The following ERGIC2 variants were observed in gnomAD, a reference collection of about 807,000 sequenced individuals.
ERGIC2 encodes ERGIC and golgi 2, also known as endoplasmic reticulum-Golgi intermediate compartment protein 2.
A neutral mutation model predicts 52.5 loss-of-function variants in ERGIC2; 31 were observed. The ratio of observed to expected loss-of-function variants is 0.59; its 90% CI spans 0.44 to 0.80. The LOEUF (loss-of-function observed/expected upper bound fraction) is 0.80, where lower values mean the gene tolerates loss of function less well. Ranked by LOEUF, ERGIC2 falls within the 30% of genes least tolerant of loss-of-function variation. The pLI is 0.00. For synonymous variants in ERGIC2, 129 were observed against 140.6 expected, an observed-to-expected ratio of 0.92 and a Z score of 0.58; for missense variants, 395 against 455.2, an observed-to-expected ratio of 0.87 and a Z score of 1.20.
At chr12:29,373,095 A>G (rs1421323750) in intron 1 of ERGIC2, 1 of 152,144 alleles carries the variant, frequency 6.6e-6, no homozygotes, top group Non-Finnish European at 1.5e-5. Context: ...ATAAGAAACA[A>G]AACTGAACAT....
At chr12:29,379,969 G>A (rs1240418241) in intron 1 of ERGIC2, among the ~76,000 whole-genome samples, 3 of 151,582 alleles carry the variant, frequency 2.0e-5, no homozygotes, top group Admixed American at 6.6e-5. Flanking sequence ...GATTTCCTTT[G>A]AGAGATCTTT....
At position 29,338,272 on chromosome 12, in the gene ERGIC2, T is replaced by G. The variant is rs1182147471; in HGVS notation, c.*2884A>C. 1.3e-5 allele frequency: 2 copies of G among 152,098 alleles called. No homozygotes were observed. Among genetic ancestry groups the G allele is most frequent in the Non-Finnish European group, 2.9e-5 (2 of 68,030 alleles). The allele number at this position is 152,098 out of a possible 1,614,324, so 9.4% of individuals were successfully genotyped here. On this transcript the variant is annotated 3_prime_UTR_variant, in exon 14 of 14. Coordinates refer to ENST00000360150, the MANE Select transcript of ERGIC2 (RefSeq NM_016570.3). ...GTAAATCTTGTTTGCATTAGTAAAT[T>G]TTTAATTATAAAAATTCAATGCTAT... is the stretch of plus-strand genomic sequence containing the variant.
intron 5 of ERGIC2, among the ~76,000 whole-genome samples, chr12:29,362,625 C>G (rs1316033758): frequency 6.6e-6 from 1 of 151,798 alleles, no homozygotes; most frequent in Non-Finnish European, 1.5e-5. Context: ...TTTACTAGTC[C>G]TAGTTCACAG....
chr12:29,365,673 T>TA (rs58031563), intron 5 of ERGIC2, among the ~76,000 whole-genome samples: 1 of 144,582 alleles, frequency 6.9e-6, no homozygotes, highest in African/African-American at 2.5e-5. Flanking sequence ...GGCAGAAAAT[T>TA]AAAAAAAAAA....
At chr12:29,367,365 T>C (rs970019555) in intron 4 of ERGIC2, among the ~76,000 whole-genome samples, 2 of 151,806 alleles carry the variant, frequency 1.3e-5, no homozygotes, top group Non-Finnish European at 3.0e-5. Flanking sequence ...CGTAAAGCTA[T>C]GCTACAAATC....
chr12:29,366,585 A>G (rs1233570312), intron 5 of ERGIC2, among the ~76,000 whole-genome samples: 1 of 151,948 alleles, frequency 6.6e-6, no homozygotes, highest in Non-Finnish European at 1.5e-5. Context: ...AAGAAAAGTG[A>G]AAAGGAAACT....
intron 1 of ERGIC2, among the ~76,000 whole-genome samples, chr12:29,379,805 G>A (rs562437776): frequency 6.6e-6 from 1 of 152,020 alleles, no homozygotes; most frequent in African/African-American, 2.4e-5. Context: ...CTATTAAATA[G>A]GATTTTTAGC....
In ERGIC2 at chr12:29,368,439, G is replaced by A. The variant is rs542345392; in HGVS notation, c.216-152C>T. On this transcript the variant is annotated intron_variant, in intron 3 of 13. Coordinates refer to ENST00000360150, the MANE Select transcript of ERGIC2 (RefSeq NM_016570.3). ...TTGCATTTCTCATGGCCAAAACAAA[G>A]GCTCTTTAAATTACAAGTTCTATTT... The A allele has an allele frequency of 3.2e-3, 1,716 of 543,282 alleles. 4 individuals are homozygous for A. Among genetic ancestry groups the A allele is most frequent in the Non-Finnish European group, 3.4e-3 (1,038 of 302,050 alleles). The allele number at this position is 543,282 out of a possible 1,614,324, so 33.7% of individuals were successfully genotyped here. A position where few individuals can be genotyped will look rare whatever the true frequency, so the allele number is the denominator to read the frequency against.
intron 8 of ERGIC2, among the ~76,000 whole-genome samples, chr12:29,354,226 A>G (rs1940172541): frequency 6.6e-6 from 1 of 152,232 alleles, no homozygotes; most frequent in South Asian, 2.1e-4. Context: ...TTAGCTATAT[A>G]AAGTTGTAGT....
rs1301250645 is a variant in ERGIC2, at chr12:29,367,075, A to G, written c.263-128T>C. 3.0e-4 allele frequency: 138 copies of G among 467,664 alleles called. 1 individual carries two copies. The East Asian group carries it at 4.6e-3, about 16-fold the overall frequency. 29.0% of individuals were successfully genotyped at this position (467,664 alleles called of 1,614,324 possible). A position where few individuals can be genotyped will look rare whatever the true frequency, so the allele number is the denominator to read the frequency against. ...AAAAAAAAAAAAAACCTCACCAACT[A>G]TGTAGAATAATTTCCGATATATTTG... is the stretch of plus-strand genomic sequence containing the variant. On this transcript the variant is annotated intron_variant, in intron 4 of 13. Transcript: ENST00000360150.
intron 1 of ERGIC2, among the ~76,000 whole-genome samples, chr12:29,375,035 C>T (rs1412864006): frequency 1.3e-5 from 2 of 152,144 alleles, no homozygotes; most frequent in Admixed American, 6.6e-5. Flanking sequence ...TCACAGTCTA[C>T]GTTCCAACCA....
Position 29,341,119 on chromosome 12 carries a change from C to T in ERGIC2, c.*37G>A. 1.4e-6 allele frequency: 2 copies of T among 1,456,644 alleles called. No homozygotes were observed. Among genetic ancestry groups the T allele is most frequent in the Non-Finnish European group, 1.9e-6 (2 of 1,051,676 alleles). The allele number at this position is 1,456,644 out of a possible 1,614,324, so 90.2% of individuals were successfully genotyped here. On this transcript the variant is annotated 3_prime_UTR_variant, in exon 14 of 14. Transcript: ENST00000360150. ...TTATTATTAAAAAAAGGTTTTATGT[C>T]TCAGGCAAAAAGTTTTTCTCCTTCA...
rs912621186 is a variant in ERGIC2 at position 29,366,776 on chromosome 12, T to C, written c.333+101A>G. ...GATTACTTTTGAAATAAAAGAATTATACTAAAAACTATTTCAGACAAAACT... is the reference window on the plus strand; with the variant it reads ...GATTACTTTTGAAATAAAAGAATTACACTAAAAACTATTTCAGACAAAACT... On this transcript the variant is annotated intron_variant, in intron 5 of 13. Coordinates refer to ENST00000360150, the MANE Select transcript of ERGIC2 (RefSeq NM_016570.3). 4 of 593,046 alleles carry C rather than the reference T, an allele frequency of 6.7e-6. No homozygotes were observed. In the Admixed American group the frequency reaches 1.1e-4, roughly 16 times the overall value. 36.7% of individuals were successfully genotyped at this position (593,046 alleles called of 1,614,324 possible). A position where few individuals can be genotyped will look rare whatever the true frequency, so the allele number is the denominator to read the frequency against.
At chr12:29,349,938 AC>A in intron 9 of ERGIC2, 74 bp downstream of exon 9, 1 of 879,366 alleles carries the variant, frequency 1.1e-6, no homozygotes, top group Non-Finnish European at 1.8e-6. Context: ...ACTTTCAACT[AC>A]ACTATATCTG....
chr12:29,345,312 T>C, intron 11 of ERGIC2, 131 bp downstream of exon 11: 2 of 636,260 alleles, frequency 3.1e-6, no homozygotes, highest in South Asian at 3.9e-5. Flanking sequence ...TTAATTCATT[T>C]CAAAACTTCC....
chr12:29,356,551 G>GAA, intron 7 of ERGIC2, 74 bp from the exon 8 acceptor site: 1 of 717,086 alleles, frequency 1.4e-6, no homozygotes, highest in South Asian at 2.1e-5. Flanking sequence ...AATGTGTATA[G>GAA]AAAAAAAAAT....
At position 29,380,137 on chromosome 12, in the gene ERGIC2, TTCC is replaced by T. The variant is rs142500892; in HGVS notation, c.-38+975_-38+977del. ...ACCCTCCCAAAAAATCAGAATTTTT[TTCC>T]TCATGTTTTCCACTAGAACTGGCAT... On this transcript the variant is annotated intron_variant, in intron 1 of 13. Coordinates refer to ENST00000360150, the MANE Select transcript of ERGIC2 (RefSeq NM_016570.3). Among the ~76,000 whole-genome samples, 1,258 of 152,164 alleles carry T rather than the reference TTCC, an allele frequency of 8.3e-3. 17 individuals are homozygous for T. The highest frequency in any genetic ancestry group is 0.029 in the African/African-American group (1,205 of 41,512).
At chr12:29,354,106 C>T (rs1319880108) in intron 8 of ERGIC2, among the ~76,000 whole-genome samples, 3 of 152,016 alleles carry the variant, frequency 2.0e-5, no homozygotes, top group African/African-American at 7.2e-5. Flanking sequence ...TTGACAGTCT[C>T]ACACAAAAAA....
chr12:29,372,608 C>T (rs1222371672), intron 1 of ERGIC2: 1 of 151,752 alleles, frequency 6.6e-6, no homozygotes, highest in Non-Finnish European at 1.5e-5. Flanking sequence ...CCATTGTATC[C>T]AATGTACAAA....
Sources: gnomAD v4.1 joint callset for allele counts (sites outside exome capture counted in the v4.1 genomes callset) on GRCh38, gnomAD v4.1.1 for gene constraint, MANE v1.5 for transcripts, NCBI Gene and HGNC (gene_info 2026-07-23, HGNC 2026-07-21) for gene names.